The following LOC400499 variants were observed in gnomAD, a reference collection of about 807,000 sequenced individuals.
the LOC400499 span, among the ~76,000 whole-genome samples, chr16:11,428,424 T>C: frequency 2.6e-5 from 4 of 152,158 alleles, no homozygotes; most frequent in East Asian, 7.7e-4. Context: ...TCCACCTGCT[T>C]CAACCTCCCA....
the LOC400499 span, among the ~76,000 whole-genome samples, chr16:11,423,647 C>A: frequency 6.6e-6 from 1 of 152,258 alleles, no homozygotes; most frequent in Non-Finnish European, 1.5e-5. Flanking sequence ...CCCTCTCCCA[C>A]CATGGACGGT....
At chr16:11,477,702 G>C in the LOC400499 span, 8 of 395,886 alleles carry the variant, frequency 2.0e-5, no homozygotes, top group East Asian at 3.6e-5. Flanking sequence ...TCTTGGCACA[G>C]GTGTTCTGCA....
At chr16:11,509,708 G>A in the LOC400499 span, among the ~76,000 whole-genome samples, 1 of 152,018 alleles carries the variant, frequency 6.6e-6, no homozygotes, top group Non-Finnish European at 1.5e-5. Context: ...GCAGGCGCCT[G>A]TAATCCCAGT....
At chr16:11,389,953 G>A in the LOC400499 span, among the ~76,000 whole-genome samples, 5 of 152,210 alleles carry the variant, frequency 3.3e-5, no homozygotes, top group Admixed American at 2.6e-4. Flanking sequence ...GAGGAAGAAA[G>A]CCCAGCTTCC....
At chr16:11,415,610 CAG>C in the LOC400499 span, among the ~76,000 whole-genome samples, 1 of 152,198 alleles carries the variant, frequency 6.6e-6, no homozygotes, top group South Asian at 2.1e-4. Context: ...CACAAGGAGA[CAG>C]GGGACACAAT....
the LOC400499 span, among the ~76,000 whole-genome samples, chr16:11,405,315 A>G: frequency 6.6e-6 from 1 of 152,332 alleles, no homozygotes; most frequent in East Asian, 1.9e-4. Context: ...AGCAGGTATC[A>G]TGCTCCCAAG....
At chr16:11,405,249 G>A in the LOC400499 span, among the ~76,000 whole-genome samples, 1 of 152,226 alleles carries the variant, frequency 6.6e-6, no homozygotes, top group Admixed American at 6.5e-5. Context: ...CTACACGGTG[G>A]AGAGGAGCTT....
At chr16:11,477,799 C>T in the LOC400499 span, 1 of 398,848 alleles carries the variant, frequency 2.5e-6, no homozygotes, top group Middle Eastern at 6.3e-4. Context: ...CTAACCTGCG[C>T]CAGCTCCCAG....
At chr16:11,460,993 T>A in the LOC400499 span, 1 of 1,535,410 alleles carries the variant, frequency 6.5e-7, no homozygotes, top group South Asian at 1.2e-5. Context: ...CCTCAGGGAG[T>A]TGGTCCAGAG....
chr16:11,402,155 T>G, the LOC400499 span: 1 of 398,878 alleles, frequency 2.5e-6, no homozygotes, highest in Non-Finnish European at 4.4e-6. Flanking sequence ...GTGGGTGAGC[T>G]CCACTGGGTG....
At chr16:11,423,490 C>A in the LOC400499 span, among the ~76,000 whole-genome samples, 3 of 152,228 alleles carry the variant, frequency 2.0e-5, no homozygotes, top group African/African-American at 4.8e-5. Context: ...ACGGTGCTAA[C>A]TGAACCACAG....
the LOC400499 span, chr16:11,450,855 G>A: frequency 6.6e-6 from 10 of 1,504,514 alleles, no homozygotes; most frequent in African/African-American, 1.4e-5. Context: ...CTGGTACACG[G>A]GGTAGAGAGG....
At chr16:11,421,295 C>T in the LOC400499 span, among the ~76,000 whole-genome samples, 291 of 152,314 alleles carry the variant, frequency 1.9e-3, 1 homozygote, top group African/African-American at 6.5e-3. Context: ...CTGGACTTTC[C>T]CCCCAGGACT....
At chr16:11,437,738 G>A in the LOC400499 span, among the ~76,000 whole-genome samples, 6 of 152,106 alleles carry the variant, frequency 3.9e-5, no homozygotes, top group African/African-American at 7.2e-5. Context: ...GTGTGGTGGC[G>A]CATGCCTGTA....
At chr16:11,440,993 A>C in the LOC400499 span, 19 of 398,962 alleles carry the variant, frequency 4.8e-5, no homozygotes, top group Non-Finnish European at 7.5e-5. Context: ...CCCCATGCTG[A>C]GATCTGTCAT....
At chr16:11,378,362 C>G in the LOC400499 span, among the ~76,000 whole-genome samples, 1 of 150,760 alleles carries the variant, frequency 6.6e-6, no homozygotes, top group Non-Finnish European at 1.5e-5. Flanking sequence ...CTCCCGGGTT[C>G]AAGTGATTCT....
chr16:11,383,695 T>C, the LOC400499 span: 1 of 1,232,490 alleles, frequency 8.1e-7, no homozygotes, highest in Non-Finnish European at 1.0e-6. Flanking sequence ...CAGGTGGATG[T>C]AGGCGGCCGC....
At chr16:11,440,510 C>T in the LOC400499 span, among the ~76,000 whole-genome samples, 1 of 152,222 alleles carries the variant, frequency 6.6e-6, no homozygotes, top group East Asian at 1.9e-4. Flanking sequence ...TGCACATGAA[C>T]ACTGGCCTTT....
chr16:11,391,089 C>T, the LOC400499 span, among the ~76,000 whole-genome samples: 1 of 152,236 alleles, frequency 6.6e-6, no homozygotes, highest in East Asian at 1.9e-4. Context: ...ATTCACTGCC[C>T]TGGGGGTGGT....
Sources: gnomAD v4.1 joint callset for allele counts (sites outside exome capture counted in the v4.1 genomes callset) on GRCh38, gnomAD v4.1.1 for gene constraint, MANE v1.5 for transcripts.